The following PHACTR4 variants were observed in gnomAD, a reference collection of about 807,000 sequenced individuals.
PHACTR4 encodes the protein protein phosphatase 1, regulatory subunit 124.
Under a neutral mutation model 72.7 loss-of-function variants are expected in PHACTR4, and 51 were observed. That is an observed-to-expected ratio of 0.70 (90% CI 0.56 to 0.89). PHACTR4 has a LOEUF of 0.89. Among genes scored for constraint, PHACTR4 ranks in the 40% least tolerant of loss-of-function variants. PHACTR4 has a pLI of 0.00. For synonymous variants in PHACTR4, 255 were observed against 302.5 expected, an observed-to-expected ratio of 0.84 and a Z score of 1.63; for missense variants, 731 against 861.8, an observed-to-expected ratio of 0.85 and a Z score of 1.90.
intron 1 of PHACTR4, among the ~76,000 whole-genome samples, chr1:28,374,183 G>T (rs1471003419): frequency 6.6e-6 from 1 of 152,190 alleles, no homozygotes; most frequent in African/African-American, 2.4e-5. Context: ...CGCTCAAAAA[G>T]TGGTGAGTTA....
chr1:28,450,308 CAT>C lies in PHACTR4; in HGVS notation c.17-8775_17-8774del, dbSNP rs373163070. On this transcript the variant is annotated intron_variant, in intron 2 of 13. Transcript: ENST00000373839. ...ACTACCTTTTTTTTTTTTTTTCACTCATAGAAAACAGAATGGGGCCATAGGCC... is the reference window on the plus strand; with the variant it reads ...ACTACCTTTTTTTTTTTTTTTCACTCAGAAAACAGAATGGGGCCATAGGCC... Among the ~76,000 whole-genome samples, 129 of 147,288 alleles carry C rather than the reference CAT, an allele frequency of 8.8e-4. 1 individual carries two copies. The highest frequency in any genetic ancestry group is 3.1e-3 in the African/African-American group (124 of 39,994).
chr1:28,407,589 C>T, intron 2 of PHACTR4, 126 bp downstream of exon 2: 1 of 655,608 alleles, frequency 1.5e-6, no homozygotes, highest in Non-Finnish European at 2.4e-6. Flanking sequence ...TAATGGGTCT[C>T]AAACTTTTTG....
chr1:28,492,697 T>C (rs1307889655), intron 12 of PHACTR4, among the ~76,000 whole-genome samples: 1 of 152,052 alleles, frequency 6.6e-6, no homozygotes, highest in East Asian at 1.9e-4. Flanking sequence ...GAGCTGAAGG[T>C]TGCAGTGAGC....
chr1:28,423,812 A>G (rs898202074), intron 2 of PHACTR4, among the ~76,000 whole-genome samples: 2 of 152,232 alleles, frequency 1.3e-5, no homozygotes, highest in Non-Finnish European at 2.9e-5. Context: ...AATATTTAGA[A>G]TAATCGTTGG....
chr1:28,481,016 A>G (rs527482657), intron 9 of PHACTR4, among the ~76,000 whole-genome samples: 65 of 148,010 alleles, frequency 4.4e-4, no homozygotes, highest in African/African-American at 1.5e-3. Flanking sequence ...TGGAGTATTC[A>G]TTTATCTTTT....
intron 2 of PHACTR4, among the ~76,000 whole-genome samples, chr1:28,439,193 G>A (rs1656827145): frequency 6.6e-6 from 1 of 152,114 alleles, no homozygotes; most frequent in Non-Finnish European, 1.5e-5. Context: ...GGGAAAGCCT[G>A]TGAATCATTT....
chr1:28,400,689 C>T (rs1653878189), intron 1 of PHACTR4, among the ~76,000 whole-genome samples: 1 of 151,968 alleles, frequency 6.6e-6, no homozygotes, highest in African/African-American at 2.4e-5. Flanking sequence ...AAGCGATTCT[C>T]CTGCCTCAAC....
chr1:28,473,685 C>T lies in PHACTR4; in HGVS notation c.955C>T (p.Pro319Ser), dbSNP rs1379061734. The change falls in exon 7 of 14, where the codon CCA (proline) becomes TCA (serine). Residue 319 changes from proline (P) to serine (S), a missense_variant. Physicochemically the swap from Pro to Ser is moderately conservative, Grantham distance 74 (BLOSUM62 -1). Coordinates refer to ENST00000373839, the MANE Select transcript of PHACTR4 (RefSeq NM_001048183.3). Reference protein sequence around the residue: ...ESAAAITTKTPSDEREKSTCS... With the variant: ...ESAAAITTKTSSDEREKSTCS... ...TGCTGCTGCCATCACCACAAAAACA[C>T]CAAGTGATGAAAGAGAGAAGAGCAC... 6.2e-7 allele frequency: 1 copy of T among 1,613,990 alleles called. No individual in the cohort carries two copies. Among genetic ancestry groups the T allele is most frequent in the East Asian group, 2.2e-5 (1 of 44,900 alleles).
intron 6 of PHACTR4, among the ~76,000 whole-genome samples, chr1:28,469,202 A>G (rs906256848): frequency 6.6e-6 from 1 of 152,210 alleles, no homozygotes; most frequent in African/African-American, 2.4e-5. Flanking sequence ...TTTACTTAAT[A>G]TCAAGCCTTA....
chr1:28,476,364 T>G, intron 8 of PHACTR4, 73 bp downstream of exon 8: 4 of 1,401,418 alleles, frequency 2.9e-6, no homozygotes, highest in Non-Finnish European at 3.8e-6. Context: ...TTAGCAAGTG[T>G]CAAAAGAGAT....
chr1:28,493,154 T>A lies in PHACTR4; in HGVS notation c.2093+63T>A, dbSNP rs374576592. 8.9e-6 allele frequency: 12 copies of A among 1,351,272 alleles called. No individual in the cohort carries two copies. The African/African-American group carries it at 1.7e-4, about 20-fold the overall frequency. 83.7% of individuals were successfully genotyped at this position (1,351,272 alleles called of 1,614,324 possible). On this transcript the variant is annotated intron_variant, in intron 13 of 13. Transcript: ENST00000373839. ...AGAGTTTTCCAAAAAATTGTTCAGA[T>A]ATGAAGGGCTCTAATGACATCAGTA...
intron 2 of PHACTR4, among the ~76,000 whole-genome samples, chr1:28,420,120 C>G (rs529254132): frequency 2.0e-5 from 3 of 152,176 alleles, no homozygotes; most frequent in African/African-American, 4.8e-5. Context: ...TGTGAGTGGT[C>G]TCGCAGTACT....
At chr1:28,434,935 G>A (rs945994418) in intron 2 of PHACTR4, among the ~76,000 whole-genome samples, 9 of 152,120 alleles carry the variant, frequency 5.9e-5, no homozygotes, top group African/African-American at 1.9e-4. Context: ...CTCTTGTATG[G>A]TCATGTCTAC....
chr1:28,463,603 T>G (rs942422070), intron 4 of PHACTR4, among the ~76,000 whole-genome samples: 1 of 152,226 alleles, frequency 6.6e-6, no homozygotes, highest in African/African-American at 2.4e-5. Flanking sequence ...TATTTTTGTA[T>G]AGTTGTTGTC....
chr1:28,431,052 G>A (rs1656223780), intron 2 of PHACTR4, among the ~76,000 whole-genome samples: 1 of 151,172 alleles, frequency 6.6e-6, no homozygotes, highest in South Asian at 2.1e-4. Context: ...GGTGGCAGGC[G>A]CCTGTAGTCC....
At chr1:28,447,730 T>C (rs1657586965) in intron 2 of PHACTR4, among the ~76,000 whole-genome samples, 1 of 152,154 alleles carries the variant, frequency 6.6e-6, no homozygotes. Flanking sequence ...CACTTCTTGA[T>C]ACAATCATAG....
intron 2 of PHACTR4, chr1:28,438,325 GAA>G (rs1656765337): frequency 6.3e-7 from 1 of 1,584,372 alleles, no homozygotes; most frequent in African/African-American, 1.4e-5. Flanking sequence ...TATCTTTTAT[GAA>G]AAGTTTGCTT....
At chr1:28,452,223 A>G (rs1658030485) in intron 2 of PHACTR4, among the ~76,000 whole-genome samples, 3 of 152,160 alleles carry the variant, frequency 2.0e-5, no homozygotes, top group South Asian at 2.1e-4. Flanking sequence ...ACTCACAGGC[A>G]GACCAGATGT....
At chr1:28,474,251 G>A (rs941231511) in intron 7 of PHACTR4, 100 bp downstream of exon 7, 11 of 1,123,384 alleles carry the variant, frequency 9.8e-6, no homozygotes, top group African/African-American at 9.4e-5. Context: ...CGGGCCTAGT[G>A]GCCCACACCT....
Sources: allele counts gnomAD v4.1 joint callset (sites outside exome capture counted in the v4.1 genomes callset), GRCh38; gene constraint gnomAD v4.1.1; transcripts MANE v1.5; gene names NCBI Gene and HGNC (gene_info 2026-07-23, HGNC 2026-07-21).